ABI3: variants seen among roughly 807,000 people sequenced by gnomAD.
ABI3 encodes the protein ABI family member 3, also known as ABI gene family member 3.
In ABI3, 24 loss-of-function variants were observed where a neutral mutation model predicts 37.0. The observed-to-expected ratio is 0.65, with a 90% CI of 0.47 to 0.91. The LOEUF is 0.91. ABI3 is among the 40% of genes least tolerant of loss of function. The pLI is 0.00. For missense variants in ABI3, 481 were observed against 485.1 expected (o/e 0.99, Z 0.08); for synonymous variants, 220 against 211.8 (o/e 1.04, Z -0.34).
intron 1 of ABI3, among the ~76,000 whole-genome samples, chr17:49,212,033 C>T (rs2043173709): frequency 6.6e-6 from 1 of 151,772 alleles, no homozygotes; most frequent in Non-Finnish European, 1.5e-5. Flanking sequence ...TTCACTGAAG[C>T]CTTGAACTCC....
In ABI3 at chr17:49,216,472, G is replaced by A; in HGVS notation, c.118-59G>A. On this transcript the variant is annotated intron_variant, in intron 1 of 7. Coordinates refer to ENST00000225941, the MANE Select transcript of ABI3 (RefSeq NM_016428.3). ...CTATATCCTCTCCCATCCCACCCCA[G>A]CCAGCCAAGGACCCAGTGGAAGATG... The A allele has an allele frequency of 3.6e-6, 5 of 1,387,516 alleles. No homozygotes were observed. In the South Asian group the frequency reaches 8.6e-5, roughly 24 times the overall value. The allele number at this position is 1,387,516 out of a possible 1,614,324, so 86.0% of individuals were successfully genotyped here. A position where few individuals can be genotyped will look rare whatever the true frequency, so the allele number is the denominator to read the frequency against.
In ABI3 at chr17:49,210,853, G is replaced by A. The variant is rs189467075; in HGVS notation, c.117+12G>A. On this transcript the variant is annotated intron_variant, in intron 1 of 7. Transcript: ENST00000225941. The surrounding 1 kb of genome is among the most constrained non-coding windows in gnomAD (Gnocchi z 4.2). The stretch of plus-strand genomic sequence containing the variant: ...ACAACTATGTGCAGGTAGGTAGAGC[G>A]GGCGGAAGCCTGACACCCCAGCCCC... 2.1e-5 allele frequency: 33 copies of A among 1,543,216 alleles called. No homozygotes were observed. The highest frequency in any genetic ancestry group is 1.8e-4 in the South Asian group (15 of 84,026).
Position 49,217,870 on chromosome 17 carries a change from A to G in ABI3, c.417A>G (p.Arg139=). The change falls in exon 3 of 8, where the codon AGA becomes AGG. Residue 139 remains arginine (R), a synonymous_variant. Transcript: ENST00000225941. ...CCCCTCTCACGCCCTACTGCAGGAG[A>G]CCCCTCAACTTTGGCTGCCTGGACG... ...NLPPLTPYCR[R]PLNFGCLDDI... 6.3e-7 allele frequency: 1 copy of G among 1,585,294 alleles called. No homozygotes were observed. The highest frequency in any genetic ancestry group is 8.6e-7 in the Non-Finnish European group (1 of 1,168,282).
intron 6 of ABI3, among the ~76,000 whole-genome samples, chr17:49,220,846 A>AAATAATAATAAT: frequency 7.3e-6 from 1 of 137,284 alleles, no homozygotes; most frequent in East Asian, 2.1e-4. Context: ...CTCCATCTCA[A>AAATAATAATAAT]AATAATAATA....
chr17:49,210,721 G>C lies in ABI3; in HGVS notation c.-4G>C. ...CCTGGGGAGCCAGACAGAGGCTGGGGGTGATGGCGGAGCTACAGCAGCTGC... is the reference window on the plus strand; with the variant it reads ...CCTGGGGAGCCAGACAGAGGCTGGGCGTGATGGCGGAGCTACAGCAGCTGC... On this transcript the variant is annotated 5_prime_UTR_variant, in exon 1 of 8. Coordinates refer to ENST00000225941, the MANE Select transcript of ABI3 (RefSeq NM_016428.3). This position sits in a 1 kb window ranked among gnomAD's most constrained non-coding sequence, Gnocchi z 4.2. 1 of 1,555,980 alleles carries C rather than the reference G, an allele frequency of 6.4e-7. No individual in the cohort carries two copies. Among genetic ancestry groups the C allele is most frequent in the Non-Finnish European group, 8.7e-7 (1 of 1,149,504 alleles).
Position 49,216,695 on chromosome 17 carries a change from C to T in ABI3, c.282C>T (p.Gly94=). ...RQVEARVSTL[G]QMVNMHMEKV... Reference sequence around the variant, plus strand: ...TGGAAGCCCGTGTAAGCACGCTGGGCCAGGTAAGGGGCGTGGGGCGTGGGA... The same window carrying T: ...TGGAAGCCCGTGTAAGCACGCTGGGTCAGGTAAGGGGCGTGGGGCGTGGGA... The change falls in exon 2 of 8, where the codon GGC becomes GGT. Residue 94 remains glycine (G), a synonymous_variant. Coordinates refer to ENST00000225941, the MANE Select transcript of ABI3 (RefSeq NM_016428.3). 1 of 1,558,144 alleles carries T rather than the reference C, an allele frequency of 6.4e-7. No homozygotes were observed. Among genetic ancestry groups the T allele is most frequent in the Non-Finnish European group, 8.7e-7 (1 of 1,150,918 alleles).
intron 3 of ABI3, among the ~76,000 whole-genome samples, chr17:49,218,187 G>C (rs980691692): frequency 2.0e-5 from 3 of 152,234 alleles, no homozygotes; most frequent in African/African-American, 7.2e-5. Context: ...TGGGCACCGG[G>C]CGTGTGGGAA....
rs774865080 is a variant in ABI3 at position 49,219,921 on chromosome 17, C to T, written c.612C>T (p.Ala204=). The change falls in exon 5 of 8, where the codon GCC becomes GCT. Residue 204 remains alanine (A), a synonymous_variant. Transcript: ENST00000225941. This position sits in a 1 kb window ranked among gnomAD's most constrained non-coding sequence, Gnocchi z 4.3. The stretch of plus-strand genomic sequence containing the variant: ...TGGTGCCCGACGGCAGACTCTCCGC[C>T]GCCTCCTCTGCGTTTTCCCTGGCCT... ...LPVVPDGRLS[A]ASSAFSLASA... is the part of the protein sequence containing the mutation. 1 of 1,556,888 alleles carries T rather than the reference C, an allele frequency of 6.4e-7. No individual in the cohort carries two copies. The highest frequency in any genetic ancestry group is 2.4e-5 in the East Asian group (1 of 42,042).
In ABI3 at chr17:49,219,769, G is replaced by A; in HGVS notation, c.549-89G>A. On this transcript the variant is annotated intron_variant, in intron 4 of 7. Coordinates refer to ENST00000225941, the MANE Select transcript of ABI3 (RefSeq NM_016428.3). This position sits in a 1 kb window ranked among gnomAD's most constrained non-coding sequence, Gnocchi z 4.3. ...ATGCCTGGCGCCAAACCTCCCCCTC[G>A]GCCACCTGCCCTTCCTGCTCGCACC... The A allele has an allele frequency of 1.4e-6, 2 of 1,447,286 alleles. No homozygotes were observed. Among genetic ancestry groups the A allele is most frequent in the Non-Finnish European group, 1.9e-6 (2 of 1,065,138 alleles). The allele number at this position is 1,447,286 out of a possible 1,614,324, so 89.7% of individuals were successfully genotyped here.
chr17:49,221,603 C>A (rs2043289478), intron 6 of ABI3, among the ~76,000 whole-genome samples: 1 of 152,242 alleles, frequency 6.6e-6, no homozygotes, highest in Non-Finnish European at 1.5e-5. Flanking sequence ...CAGAGTCTGA[C>A]CGTCCTCTAC....
intron 3 of ABI3, among the ~76,000 whole-genome samples, chr17:49,218,608 A>ATTCTTTTTTTTTTTTT (rs57445695): frequency 5.5e-5 from 8 of 146,218 alleles, no homozygotes; most frequent in African/African-American, 1.8e-4. Context: ...TCCAACTTAT[A>ATTCTTTTTTTTTTTTT]TTTTTTTTTT....
At chr17:49,216,429 A>G (rs2043218454) in intron 1 of ABI3, 102 bp from the exon 2 acceptor site, 9 of 1,201,540 alleles carry the variant, frequency 7.5e-6, no homozygotes, top group South Asian at 2.2e-5. Context: ...CTCTCTCCCA[A>G]TCCAGCCCCT....
chr17:49,218,531 C>A (rs559605605), intron 3 of ABI3, among the ~76,000 whole-genome samples: 2 of 152,284 alleles, frequency 1.3e-5, no homozygotes, highest in Admixed American at 6.5e-5. Context: ...ATCAGCCCCC[C>A]TTAAAGGGGA....
chr17:49,220,720 T>C (rs1020881295), intron 6 of ABI3, among the ~76,000 whole-genome samples: 1 of 151,982 alleles, frequency 6.6e-6, no homozygotes, highest in African/African-American at 2.4e-5. Context: ...GGCGCAAGCC[T>C]GTAATACCAG....
At position 49,220,190 on chromosome 17, in the gene ABI3, G is replaced by A. The variant is rs376591517; in HGVS notation, c.666G>A (p.Gly222=). The part of the protein sequence containing the change: ...ASAGSAEGVG[G]APTPKGQAAP... ...TCAGCAGCGCCGAAGGTGTCGGTGG[G>A]GCCCCCACGCCCAAGGGGCAGGCAG... Residue 222 remains glycine, a synonymous_variant, in exon 6 of 8, where the codon GGG becomes GGA. Transcript: ENST00000225941. 7 of 1,611,910 alleles carry A rather than the reference G, an allele frequency of 4.3e-6. No homozygotes were observed. In the African/African-American group the frequency reaches 9.3e-5, roughly 22 times the overall value.
chr17:49,222,693 A>G lies in ABI3; in HGVS notation c.1079A>G (p.Asn360Ser), dbSNP rs1446977246. The part of the protein sequence containing the change: ...SSEGTGFFPG[N>S]YVEPSC ...GAGGGGACTGGATTCTTCCCTGGGA[A>G]CTATGTGGAGCCCAGCTGCTGACAG... The change falls in exon 8 of 8, where the codon AAC (asparagine) becomes AGC (serine). Residue 360 changes from asparagine (N) to serine (S), a missense_variant. Transcript: ENST00000225941. 1 of 1,584,050 alleles carries G rather than the reference A, an allele frequency of 6.3e-7. No homozygotes were observed. Among genetic ancestry groups the G allele is most frequent in the Non-Finnish European group, 8.6e-7 (1 of 1,165,200 alleles).
intron 5 of ABI3, 100 bp from the exon 6 acceptor site, chr17:49,220,069 T>A: frequency 6.4e-7 from 1 of 1,573,004 alleles, no homozygotes; most frequent in Non-Finnish European, 8.6e-7. Flanking sequence ...TACTCCTGGG[T>A]CACACGTGCA....
At chr17:49,212,394 C>A (rs1304282994) in intron 1 of ABI3, among the ~76,000 whole-genome samples, 2 of 152,154 alleles carry the variant, frequency 1.3e-5, no homozygotes, top group Admixed American at 1.3e-4. Flanking sequence ...ACCTTGTTAC[C>A]CCTTGGGCAA....
intron 7 of ABI3, 55 bp from the exon 8 acceptor site, chr17:49,222,497 A>AG: frequency 1.9e-6 from 3 of 1,586,116 alleles, no homozygotes; most frequent in South Asian, 1.1e-5. Flanking sequence ...GTGGGGGGTG[A>AG]GGGGGAGAGG....
Sources: allele counts gnomAD v4.1 joint callset (sites outside exome capture counted in the v4.1 genomes callset), GRCh38; gene constraint gnomAD v4.1.1; non-coding constraint Gnocchi (gnomAD v3.1); transcripts MANE v1.5; gene names NCBI Gene and HGNC (gene_info 2026-07-23, HGNC 2026-07-21).